SNX4: variants seen among roughly 807,000 people sequenced by gnomAD.
SNX4 encodes the protein sorting nexin 4, also known as sorting nexin-4.
SNX4 carries 49 observed loss-of-function variants against 70.8 expected under a neutral mutation model. The ratio of observed to expected loss-of-function variants is 0.69; its 90% CI spans 0.55 to 0.88. The LOEUF (loss-of-function observed/expected upper bound fraction) is 0.88, where lower values mean the gene tolerates loss of function less well. Ranked by LOEUF, SNX4 falls within the 40% of genes least tolerant of loss-of-function variation. The probability of loss-of-function intolerance (pLI) is 0.00; values close to 1 mark genes in which losing one functional copy is unlikely to be tolerated. For missense variants in SNX4, 528 were observed against 544.8 expected (o/e 0.97, Z 0.31); for synonymous variants, 206 against 183.8 (o/e 1.12, Z -0.98).
intron 1 of SNX4, among the ~76,000 whole-genome samples, chr3:125,507,703 A>T (rs1935080111): frequency 1.3e-5 from 2 of 152,222 alleles, no homozygotes; most frequent in African/African-American, 4.8e-5. Context: ...AGGCCAGAAG[A>T]CAGGGAGCTG....
At chr3:125,465,804 G>A (rs1003674497) in intron 9 of SNX4, among the ~76,000 whole-genome samples, 3 of 151,936 alleles carry the variant, frequency 2.0e-5, no homozygotes, top group Admixed American at 6.6e-5. Context: ...CACCACACCC[G>A]GCTAATTTTT....
intron 1 of SNX4, among the ~76,000 whole-genome samples, chr3:125,507,247 A>G (rs1403559673): frequency 6.6e-6 from 1 of 151,946 alleles, no homozygotes; most frequent in Non-Finnish European, 1.5e-5. Flanking sequence ...GAAAAGTACA[A>G]TAACTGAAAT....
intron 1 of SNX4, among the ~76,000 whole-genome samples, chr3:125,507,728 C>T (rs1402009703): frequency 6.6e-6 from 1 of 152,010 alleles, no homozygotes; most frequent in African/African-American, 2.4e-5. Context: ...CTTCAAAGTG[C>T]TAAAAAATAA....
At chr3:125,462,323 G>A (rs904220034) in intron 9 of SNX4, among the ~76,000 whole-genome samples, 19 of 152,036 alleles carry the variant, frequency 1.2e-4, no homozygotes, top group African/African-American at 3.6e-4. Flanking sequence ...GAGAAAACTC[G>A]GTACTAAAGC....
intron 2 of SNX4, among the ~76,000 whole-genome samples, chr3:125,499,567 A>G (rs1282680731): frequency 6.6e-6 from 1 of 152,190 alleles, no homozygotes; most frequent in African/African-American, 2.4e-5. Flanking sequence ...TTTAAAGAGT[A>G]TACCTAGACA....
chr3:125,502,724 G>T (rs1934956100), intron 2 of SNX4, among the ~76,000 whole-genome samples: 1 of 151,292 alleles, frequency 6.6e-6, no homozygotes, highest in Admixed American at 6.6e-5. Context: ...CATGGTGACG[G>T]GCGCCTGTAA....
chr3:125,507,113 A>G (rs1196718733), intron 1 of SNX4, among the ~76,000 whole-genome samples: 2 of 148,486 alleles, frequency 1.3e-5, no homozygotes, highest in African/African-American at 4.9e-5. Flanking sequence ...AGACTGAGGC[A>G]TGGAGAATTA....
chr3:125,455,027 C>G (rs1933674207), intron 11 of SNX4, among the ~76,000 whole-genome samples: 1 of 151,990 alleles, frequency 6.6e-6, no homozygotes, highest in Non-Finnish European at 1.5e-5. Flanking sequence ...CTCCTGGGCT[C>G]AAGTGATCCT....
chr3:125,458,170 ATTTTTTTT>A (rs397875260), intron 10 of SNX4, among the ~76,000 whole-genome samples: 17 of 122,692 alleles, frequency 1.4e-4, no homozygotes, highest in African/African-American at 5.5e-4. Flanking sequence ...TCTATTAGGT[ATTTTTTTT>A]TTTTTTTTTT....
chr3:125,483,810 TAA>T (rs747773307), intron 6 of SNX4, among the ~76,000 whole-genome samples: 4 of 152,180 alleles, frequency 2.6e-5, no homozygotes, highest in Non-Finnish European at 5.9e-5. Flanking sequence ...AAGTCTTAGA[TAA>T]CAATGTATGT....
chr3:125,501,356 C>T (rs1030116752), intron 2 of SNX4, among the ~76,000 whole-genome samples: 1 of 152,122 alleles, frequency 6.6e-6, no homozygotes, highest in Non-Finnish European at 1.5e-5. Flanking sequence ...TTGGCTCACA[C>T]CTGTAATTCC....
chr3:125,480,164 C>A, intron 7 of SNX4, 83 bp downstream of exon 7: 1 of 785,650 alleles, frequency 1.3e-6, no homozygotes, highest in East Asian at 2.8e-5. Context: ...TGGTAAATAC[C>A]ACCTACTACT....
chr3:125,453,673 G>C, intron 12 of SNX4, 137 bp downstream of exon 12: 4 of 757,160 alleles, frequency 5.3e-6, no homozygotes, highest in Non-Finnish European at 7.8e-6. Flanking sequence ...TCTTAGGAAT[G>C]CATTTTAAAG....
chr3:125,451,927 A>C (rs541856181), intron 12 of SNX4, among the ~76,000 whole-genome samples: 2 of 152,100 alleles, frequency 1.3e-5, no homozygotes, highest in Non-Finnish European at 2.9e-5. Context: ...CACCTGGCCT[A>C]ATAATCTAAG....
intron 1 of SNX4, 69 bp downstream of exon 1, chr3:125,519,963 A>G (rs1407222451): frequency 6.0e-6 from 4 of 671,478 alleles, no homozygotes; most frequent in African/African-American, 2.5e-5. Context: ...AGCCCAGCCC[A>G]GCCCAGCCCA....
intron 13 of SNX4, among the ~76,000 whole-genome samples, chr3:125,448,149 T>G (rs546902063): frequency 3.3e-5 from 5 of 151,886 alleles, no homozygotes; most frequent in African/African-American, 1.2e-4. Flanking sequence ...TTTTTTTTTT[T>G]GGAGATAGGG....
chr3:125,498,215 A>G (rs1180123685), intron 2 of SNX4, 21 bp from the exon 3 acceptor site: 1 of 1,595,904 alleles, frequency 6.3e-7, no homozygotes, highest in Admixed American at 1.8e-5. Context: ...ACAGAACAAC[A>G]CTTGTTATTT....
chr3:125,506,817 TAAAAAAAAAAAAAAAAA>T (rs71148182), intron 1 of SNX4, among the ~76,000 whole-genome samples: 13 of 26,832 alleles, frequency 4.8e-4, no homozygotes, highest in East Asian at 2.7e-3. Flanking sequence ...GTGGAGAAAG[TAAAAAAAAAAAAAAAAA>T]AAAAAAAAAA....
chr3:125,481,166 C>T (rs1934402070), intron 6 of SNX4, among the ~76,000 whole-genome samples: 1 of 152,190 alleles, frequency 6.6e-6, no homozygotes, highest in Non-Finnish European at 1.5e-5. Flanking sequence ...CTAGCTTCTG[C>T]CTCCAGCACT....
Sources: allele counts gnomAD v4.1 joint callset (sites outside exome capture counted in the v4.1 genomes callset), GRCh38; gene constraint gnomAD v4.1.1; transcripts MANE v1.5; gene names NCBI Gene and HGNC (gene_info 2026-07-23, HGNC 2026-07-21).